Variants in MFAP3 observed in about 807,000 individuals in gnomAD.
The protein encoded by MFAP3 is microfibril associated protein 3.
In MFAP3, 8 loss-of-function variants were observed where a neutral mutation model predicts 20.5. The observed-to-expected ratio is 0.39, with a 90% CI of 0.23 to 0.70. The LOEUF is 0.70. Ranked by LOEUF, MFAP3 falls within the 30% of genes least tolerant of loss-of-function variation. MFAP3 has a pLI of 0.44. For synonymous variants in MFAP3, 140 were observed against 154.0 expected (o/e 0.91, Z 0.67); for missense variants, 398 against 444.6 (o/e 0.90, Z 0.94).
rs570275969 is a variant in MFAP3, at chr5:154,047,587, G to A, written c.-166-1970G>A. Among the ~76,000 whole-genome samples the A allele has an allele frequency of 3.9e-5, 6 of 152,274 alleles. No homozygotes were observed. In the South Asian group the frequency reaches 1.2e-3, roughly 32 times the overall value. On this transcript the variant is annotated intron_variant, in intron 1 of 2. Coordinates refer to ENST00000522782, the MANE Select transcript of MFAP3 (RefSeq NM_005927.5). ...CTTTCAGCAGGCAGTAGTATCTCTG[G>A]AAGCTAATAACACTTCTTTGTTTTC...
intron 2 of MFAP3, 92 bp from the exon 3 acceptor site, chr5:154,052,828 C>T (rs931264873): frequency 4.0e-5 from 45 of 1,126,280 alleles, no homozygotes; most frequent in Non-Finnish European, 5.6e-5. Context: ...AGTTAAAGTA[C>T]TTTGATAAAG....
At chr5:154,049,438 A>C (rs150778401) in intron 1 of MFAP3, 119 bp from the exon 2 acceptor site, 142 of 327,396 alleles carry the variant, frequency 4.3e-4, no homozygotes, top group African/African-American at 2.8e-3. Flanking sequence ...GTTCCATCTA[A>C]TTACTCCCCA....
intron 1 of MFAP3, among the ~76,000 whole-genome samples, chr5:154,042,667 G>A (rs1772981909): frequency 6.6e-6 from 1 of 152,040 alleles, no homozygotes; most frequent in Non-Finnish European, 1.5e-5. Context: ...TCTCCCCTTT[G>A]CCGATTCAGA....
At chr5:154,048,590 A>T (rs1773114149) in intron 1 of MFAP3, among the ~76,000 whole-genome samples, 1 of 152,122 alleles carries the variant, frequency 6.6e-6, no homozygotes. Flanking sequence ...TAAAAGTTGA[A>T]TTTTTTCTTT....
At chr5:154,052,841 G>A (rs1003068465) in intron 2 of MFAP3, 79 bp from the exon 3 acceptor site, 20 of 1,200,430 alleles carry the variant, frequency 1.7e-5, no homozygotes, top group Middle Eastern at 2.0e-4. Context: ...TGATAAAGAG[G>A]TGGAATATGG....
chr5:154,043,740 A>T (rs1023372077), intron 1 of MFAP3, among the ~76,000 whole-genome samples: 1 of 103,592 alleles, frequency 9.7e-6, no homozygotes, highest in South Asian at 2.8e-4. Flanking sequence ...ATATATATAT[A>T]TATTTTTTTT....
chr5:154,053,594 A>C lies in MFAP3; in HGVS notation c.970A>C (p.Thr324Pro). 1 of 1,614,006 alleles carries C rather than the reference A, an allele frequency of 6.2e-7. No individual in the cohort carries two copies. The highest frequency in any genetic ancestry group is 2.2e-5 in the East Asian group (1 of 44,882). The change falls in exon 3 of 3, where the codon ACC (threonine) becomes CCC (proline). Residue 324 changes from threonine to proline, a missense_variant. Transcript: ENST00000522782. ...GGTTTCTGTCCACCTTCAGTCAGAA[A>C]CCAAAAGTATTGATACAGAGTCTCA... ...VQVSVHLQSE[T>P]KSIDTESQGS...
At chr5:154,044,726 G>T (rs1290773093) in intron 1 of MFAP3, among the ~76,000 whole-genome samples, 1 of 152,132 alleles carries the variant, frequency 6.6e-6, no homozygotes, top group African/African-American at 2.4e-5. Context: ...CACATGGGCA[G>T]TTTGCTTGCC....
intron 1 of MFAP3, among the ~76,000 whole-genome samples, chr5:154,045,407 G>A (rs983685644): frequency 2.6e-5 from 4 of 152,082 alleles, no homozygotes; most frequent in African/African-American, 4.8e-5. Context: ...TATTTGCAAT[G>A]AGAAAAAGAA....
chr5:154,054,145 T>A lies in MFAP3; in HGVS notation c.*432T>A. 5.9e-6 allele frequency: 1 copy of A among 170,870 alleles called. No individual in the cohort carries two copies. The allele number at this position is 170,870 out of a possible 1,614,324, so 10.6% of individuals were successfully genotyped here. A position where few individuals can be genotyped will look rare whatever the true frequency, so the allele number is the denominator to read the frequency against. On this transcript the variant is annotated 3_prime_UTR_variant, in exon 3 of 3. Transcript: ENST00000522782. Reference sequence around the variant, plus strand: ...GCTTCTTAACCCATCACCTTTAAATTACCAGAATCTTCACTCATCTCTAAG... The same window carrying A: ...GCTTCTTAACCCATCACCTTTAAATAACCAGAATCTTCACTCATCTCTAAG...
intron 1 of MFAP3, among the ~76,000 whole-genome samples, chr5:154,041,084 A>G (rs977471576): frequency 5.3e-5 from 8 of 152,186 alleles, no homozygotes; most frequent in Middle Eastern, 3.4e-3. Flanking sequence ...AGGAAAACTG[A>G]TAAGTCTTAT....
At chr5:154,039,107 G>A (rs950852544) in intron 1 of MFAP3, 96 bp downstream of exon 1, 1 of 152,316 alleles carries the variant, frequency 6.6e-6, no homozygotes, top group African/African-American at 2.4e-5. Flanking sequence ...AGTGCAGGAG[G>A]CGAAAATGTT....
At position 154,053,226 on chromosome 5, in the gene MFAP3, A is replaced by T; in HGVS notation, c.602A>T (p.Glu201Val). The change falls in exon 3 of 3, where the codon GAG becomes GTG. Residue 201 changes from glutamate (E) to valine (V), a missense_variant. Glu to Val is a moderately radical substitution (Grantham distance 121, BLOSUM62 -2). Coordinates refer to ENST00000522782, the MANE Select transcript of MFAP3 (RefSeq NM_005927.5). ...GCTGAGAAACTTCAGAAGGCCTTTG[A>T]GATTGCAAAACGTATCCCCATCATT... ...EGAEKLQKAFEIAKRIPIITS... is the reference protein window; with the variant it reads ...EGAEKLQKAFVIAKRIPIITS... 1 of 1,613,964 alleles carries T rather than the reference A, an allele frequency of 6.2e-7. No individual in the cohort carries two copies. Among genetic ancestry groups the T allele is most frequent in the Non-Finnish European group, 8.5e-7 (1 of 1,179,918 alleles).
intron 1 of MFAP3, among the ~76,000 whole-genome samples, chr5:154,043,377 C>T (rs541320583): frequency 3.3e-5 from 5 of 152,226 alleles, no homozygotes; most frequent in African/African-American, 9.6e-5. Context: ...TGGAGAAACC[C>T]CGTCTCTACT....
Position 154,053,837 on chromosome 5 carries a change from A to C in MFAP3, c.*124A>C. ...GGTTTTCCGTTTGTTAATATTAAGC[A>C]CATCAGAACGTGAATTGCCAAAGTC... On this transcript the variant is annotated 3_prime_UTR_variant, in exon 3 of 3. Coordinates refer to ENST00000522782, the MANE Select transcript of MFAP3 (RefSeq NM_005927.5). 1 of 846,506 alleles carries C rather than the reference A, an allele frequency of 1.2e-6. No homozygotes were observed. 52.4% of individuals were successfully genotyped at this position (846,506 alleles called of 1,614,324 possible).
intron 1 of MFAP3, among the ~76,000 whole-genome samples, chr5:154,044,892 G>A (rs1341661298): frequency 6.6e-6 from 1 of 150,564 alleles, no homozygotes; most frequent in Non-Finnish European, 1.5e-5. Flanking sequence ...CTTCACTTTT[G>A]TGGTTTTAAT....
chr5:154,050,050 C>T (rs1773152156), intron 2 of MFAP3, 33 bp downstream of exon 2: 1 of 1,547,732 alleles, frequency 6.5e-7, no homozygotes, highest in Non-Finnish European at 8.7e-7. Context: ...ATCAAGGTTA[C>T]TCATTTCCTG....
intron 2 of MFAP3, among the ~76,000 whole-genome samples, chr5:154,050,255 G>C (rs1457196382): frequency 6.6e-6 from 1 of 152,130 alleles, no homozygotes; most frequent in East Asian, 1.9e-4. Flanking sequence ...ATGACAATGA[G>C]CTATTTTCTC....
Position 154,054,972 on chromosome 5 carries a change from G to T in MFAP3, c.*1259G>T, listed in dbSNP as rs1222800991. On this transcript the variant is annotated 3_prime_UTR_variant, in exon 3 of 3. Coordinates refer to ENST00000522782, the MANE Select transcript of MFAP3 (RefSeq NM_005927.5). ...ACACAACTGATCTAGACATCAAGAG[G>T]AAGAAAAATGATGGATGATGCCACC... The T allele has an allele frequency of 6.0e-6, 1 of 166,934 alleles. No homozygotes were observed. Among genetic ancestry groups the T allele is most frequent in the Non-Finnish European group, 1.5e-5 (1 of 68,100 alleles). 10.3% of individuals were successfully genotyped at this position (166,934 alleles called of 1,614,324 possible).
Sources: allele counts gnomAD v4.1 joint callset (sites outside exome capture counted in the v4.1 genomes callset), GRCh38; gene constraint gnomAD v4.1.1; transcripts MANE v1.5; gene names NCBI Gene and HGNC (gene_info 2026-07-23, HGNC 2026-07-21).